The following MDGA2 variants were observed in gnomAD, a reference collection of about 807,000 sequenced individuals.
The protein encoded by MDGA2 is MAM domain containing glycosylphosphatidylinositol anchor 2, also known as MAM domain-containing glycosylphosphatidylinositol anchor protein 2.
A neutral mutation model predicts 117.8 loss-of-function variants in MDGA2; 40 were observed. The ratio of observed to expected loss-of-function variants is 0.34; its 90% CI spans 0.26 to 0.44. The LOEUF (loss-of-function observed/expected upper bound fraction) is 0.44. MDGA2 is among the 20% of genes least tolerant of loss of function. MDGA2 has a pLI of 1.00. For synonymous variants in MDGA2, 452 were observed against 439.0 expected, an observed-to-expected ratio of 1.03 and a Z score of -0.37; for missense variants, 1,123 against 1,250.6, an observed-to-expected ratio of 0.90 and a Z score of 1.54.
At chr14:47,094,846 T>C (rs1879870964) in intron 6 of MDGA2, among the ~76,000 whole-genome samples, 1 of 152,118 alleles carries the variant, frequency 6.6e-6, no homozygotes. Context: ...AATTTTTCTA[T>C]TTCTCTTTTA....
At chr14:47,597,857 C>CAT (rs1205754203) in intron 1 of MDGA2, among the ~76,000 whole-genome samples, 2 of 143,978 alleles carry the variant, frequency 1.4e-5, no homozygotes, top group East Asian at 2.0e-4. Flanking sequence ...CACACACACA[C>CAT]ACACACACAC....
chr14:47,203,305 G>A (rs1286395146), intron 3 of MDGA2, among the ~76,000 whole-genome samples: 2 of 151,938 alleles, frequency 1.3e-5, no homozygotes, highest in Non-Finnish European at 2.9e-5. Context: ...AGAGAAGGGG[G>A]ATGCTATTTG....
At chr14:46,897,606 G>T (rs1005252660) in intron 10 of MDGA2, among the ~76,000 whole-genome samples, 1 of 121,976 alleles carries the variant, frequency 8.2e-6, no homozygotes, top group Non-Finnish European at 1.9e-5. Flanking sequence ...TTATTCTGAG[G>T]ATTAAAAGAA....
intron 6 of MDGA2, among the ~76,000 whole-genome samples, chr14:47,064,332 C>G (rs1890001570): frequency 6.6e-6 from 1 of 151,916 alleles, no homozygotes; most frequent in African/African-American, 2.4e-5. Flanking sequence ...TAAGTGAGCT[C>G]AAGTTAAGGA....
At chr14:47,431,393 G>C (rs912096498) in intron 1 of MDGA2, among the ~76,000 whole-genome samples, 1 of 151,930 alleles carries the variant, frequency 6.6e-6, no homozygotes, top group African/African-American at 2.4e-5. Context: ...AAGGTCCTGA[G>C]TAAAAATAAA....
At chr14:47,242,662 G>A (rs1022545507) in intron 2 of MDGA2, among the ~76,000 whole-genome samples, 1 of 151,804 alleles carries the variant, frequency 6.6e-6, no homozygotes, top group Non-Finnish European at 1.5e-5. Flanking sequence ...TTCTCGCTGG[G>A]CCTTGGCTGC....
rs536953507 is a variant in MDGA2, at chr14:46,914,055, A to G, written c.2238+5957T>C. Among the ~76,000 whole-genome samples, 13 of 152,272 alleles carry G rather than the reference A, an allele frequency of 8.5e-5. 1 individual carries two copies. Among genetic ancestry groups the G allele is most frequent in the African/African-American group, 2.9e-4 (12 of 41,578 alleles). On this transcript the variant is annotated intron_variant, in intron 10 of 16. Transcript: ENST00000399232. ...ACATCATTGTGTATTTCTATGGCTG[A>G]ATATAAAAAAGGAAACTGTATAAAA...
intron 1 of MDGA2, among the ~76,000 whole-genome samples, chr14:47,322,913 C>T (rs964192770): frequency 5.9e-5 from 9 of 151,918 alleles, no homozygotes; most frequent in South Asian, 4.1e-4. Flanking sequence ...ATCGCCACTA[C>T]CATATTCTCT....
chr14:47,372,591 G>GT (rs992884493), intron 1 of MDGA2, among the ~76,000 whole-genome samples: 4 of 151,834 alleles, frequency 2.6e-5, no homozygotes, highest in Non-Finnish European at 1.5e-5. Context: ...GACTGAAACA[G>GT]TTACTCTCCT....
intron 1 of MDGA2, among the ~76,000 whole-genome samples, chr14:47,566,342 G>A (rs897605295): frequency 6.6e-6 from 1 of 152,196 alleles, no homozygotes; most frequent in African/African-American, 2.4e-5. Context: ...TGGGATCCCA[G>A]GAGAGGTCAG....
intron 1 of MDGA2, among the ~76,000 whole-genome samples, chr14:47,494,602 C>G (rs1406406782): frequency 6.6e-6 from 1 of 151,996 alleles, no homozygotes; most frequent in Non-Finnish European, 1.5e-5. Context: ...TTTGTCTAGA[C>G]CAATGCCCAG....
chr14:46,871,842 A>C (rs1471312565), intron 14 of MDGA2: 2 of 356,130 alleles, frequency 5.6e-6, no homozygotes, highest in Non-Finnish European at 1.2e-5. Context: ...AGTTTATAGT[A>C]GTTTAACTTC....
chr14:47,153,420 G>T (rs1262356565), intron 3 of MDGA2, among the ~76,000 whole-genome samples: 2 of 152,196 alleles, frequency 1.3e-5, no homozygotes, highest in Non-Finnish European at 2.9e-5. Flanking sequence ...TGCACTAACT[G>T]AAACATGAAA....
At chr14:47,608,623 T>C (rs1275956458) in intron 1 of MDGA2, among the ~76,000 whole-genome samples, 3 of 152,134 alleles carry the variant, frequency 2.0e-5, no homozygotes, top group African/African-American at 4.8e-5. Flanking sequence ...CCTGATCATA[T>C]AGAACTGCTA....
chr14:47,269,018 T>G (rs2139696524), intron 2 of MDGA2, among the ~76,000 whole-genome samples: 1 of 152,326 alleles, frequency 6.6e-6, no homozygotes, highest in Non-Finnish European at 1.5e-5. Context: ...TACTTGTTAA[T>G]ACCTGGGTAA....
At chr14:47,177,795 T>C (rs1387148082) in intron 3 of MDGA2, among the ~76,000 whole-genome samples, 2 of 152,142 alleles carry the variant, frequency 1.3e-5, no homozygotes, top group Non-Finnish European at 2.9e-5. Context: ...AAACTTAAAG[T>C]ATAATAAAAT....
At chr14:47,111,191 C>T (rs941162351) in intron 5 of MDGA2, among the ~76,000 whole-genome samples, 1 of 152,032 alleles carries the variant, frequency 6.6e-6, no homozygotes, top group African/African-American at 2.4e-5. Context: ...AACTGAGAAA[C>T]CATTTAGAAA....
intron 1 of MDGA2, among the ~76,000 whole-genome samples, chr14:47,423,881 G>A (rs1014444584): frequency 1.3e-5 from 2 of 151,688 alleles, no homozygotes; most frequent in African/African-American, 4.8e-5. Flanking sequence ...GCATAATCTC[G>A]GCTCACTGCA....
At chr14:47,350,025 A>T (rs1416868652) in intron 1 of MDGA2, among the ~76,000 whole-genome samples, 2 of 152,224 alleles carry the variant, frequency 1.3e-5, no homozygotes, top group African/African-American at 2.4e-5. Context: ...CGGGGACCTT[A>T]TAACCCTGAA....
Sources: gnomAD v4.1 joint callset for allele counts (sites outside exome capture counted in the v4.1 genomes callset) on GRCh38, gnomAD v4.1.1 for gene constraint, MANE v1.5 for transcripts, NCBI Gene and HGNC (gene_info 2026-07-23, HGNC 2026-07-21) for gene names.